YAP1: variants seen among roughly 807,000 people sequenced by gnomAD.
YAP1 encodes the protein Yes1 associated transcriptional regulator, also known as transcriptional coactivator YAP1.
In YAP1, 5 loss-of-function variants were observed where a neutral mutation model predicts 56.9. The ratio of observed to expected loss-of-function variants is 0.09; its 90% confidence interval spans 0.05 to 0.18. The LOEUF (loss-of-function observed/expected upper bound fraction) is 0.18. YAP1 is among the 10% of genes least tolerant of loss of function. The pLI, the probability that YAP1 is intolerant of heterozygous loss-of-function variation, is 1.00. For missense variants in YAP1, 539 were observed against 651.8 expected (o/e 0.83, Z 1.88); for synonymous variants, 265 against 248.1 (o/e 1.07, Z -0.64).
chr11:102,219,399 C>T (rs755980924), intron 6 of YAP1, among the ~76,000 whole-genome samples: 18 of 152,224 alleles, frequency 1.2e-4, no homozygotes, highest in Non-Finnish European at 2.4e-4. Flanking sequence ...TGTGTCTAAT[C>T]CAATCTCAAG....
At chr11:102,211,342 T>G (rs1787497251) in intron 6 of YAP1, among the ~76,000 whole-genome samples, 1 of 152,170 alleles carries the variant, frequency 6.6e-6, no homozygotes, top group Non-Finnish European at 1.5e-5. Context: ...TTAGAAAAGG[T>G]GAGGCTTATT....
At chr11:102,200,651 G>A (rs1948806065) in intron 4 of YAP1, among the ~76,000 whole-genome samples, 1 of 152,010 alleles carries the variant, frequency 6.6e-6, no homozygotes, top group Non-Finnish European at 1.5e-5. Context: ...CACCATTTTG[G>A]TCAGGCTGGT....
intron 2 of YAP1, among the ~76,000 whole-genome samples, chr11:102,121,367 G>C (rs1027730880): frequency 6.6e-6 from 1 of 151,392 alleles, no homozygotes; most frequent in African/African-American, 2.4e-5. Flanking sequence ...CTGAGCCTGG[G>C]AAGTCGAGGC....
At position 102,207,809 on chromosome 11, in the gene YAP1, C is replaced by A. The variant is rs917905005; in HGVS notation, c.985-1708C>A. Reference sequence around the variant, plus strand: ...TAGTGTGATTGGCATCAAAGGTAAACCCTGATAGAAGGAGTAAGACAGTAT... The same window carrying A: ...TAGTGTGATTGGCATCAAAGGTAAAACCTGATAGAAGGAGTAAGACAGTAT... On this transcript the variant is annotated intron_variant, in intron 5 of 8. Coordinates refer to ENST00000282441, the MANE Select transcript of YAP1 (RefSeq NM_001130145.3). 3.1e-4 allele frequency among the ~76,000 whole-genome samples: 47 copies of A among 152,092 alleles called. 1 individual carries two copies. The highest frequency in any genetic ancestry group is 1.9e-4 in the Non-Finnish European group (13 of 68,018).
intron 7 of YAP1, among the ~76,000 whole-genome samples, chr11:102,224,608 T>A (rs1950102826): frequency 6.6e-6 from 1 of 152,238 alleles, no homozygotes; most frequent in Admixed American, 6.5e-5. Context: ...GGAAACTTAG[T>A]AATTCCAAGA....
intron 2 of YAP1, among the ~76,000 whole-genome samples, chr11:102,144,305 G>C (rs910752121): frequency 6.6e-6 from 1 of 152,054 alleles, no homozygotes; most frequent in Non-Finnish European, 1.5e-5. Context: ...TGATCTTAGG[G>C]CCAAATTATT....
chr11:102,177,492 A>G (rs1947326815), intron 3 of YAP1, among the ~76,000 whole-genome samples: 1 of 152,078 alleles, frequency 6.6e-6, no homozygotes, highest in African/African-American at 2.4e-5. Context: ...CAGCCTGGCC[A>G]ACACAGTGAA....
At chr11:102,215,174 A>G (rs546223644) in intron 6 of YAP1, among the ~76,000 whole-genome samples, 1 of 152,358 alleles carries the variant, frequency 6.6e-6, no homozygotes, top group South Asian at 2.1e-4. Flanking sequence ...AACAGTTGGA[A>G]GAAATGGCAT....
At chr11:102,216,411 A>T (rs2135664633) in intron 6 of YAP1, among the ~76,000 whole-genome samples, 1 of 152,338 alleles carries the variant, frequency 6.6e-6, no homozygotes, top group African/African-American at 2.4e-5. Context: ...AATATATTTT[A>T]TATAAATTCT....
chr11:102,219,877 A>G (rs937579674), intron 6 of YAP1, among the ~76,000 whole-genome samples: 2 of 151,856 alleles, frequency 1.3e-5, no homozygotes, highest in African/African-American at 4.8e-5. Context: ...GACTACAGGC[A>G]TACGCCACCA....
At chr11:102,150,044 G>A (rs1449827889) in intron 2 of YAP1, among the ~76,000 whole-genome samples, 1 of 144,792 alleles carries the variant, frequency 6.9e-6, no homozygotes, top group African/African-American at 2.6e-5. Flanking sequence ...GAATGTAGTG[G>A]CGCTATCTCG....
chr11:102,182,742 G>A (rs1241445906), intron 3 of YAP1, among the ~76,000 whole-genome samples: 1 of 152,108 alleles, frequency 6.6e-6, no homozygotes, highest in Non-Finnish European at 1.5e-5. Flanking sequence ...TCTATTCCTT[G>A]CCTTTGGTGC....
chr11:102,150,058 C>A (rs1945545094), intron 2 of YAP1, among the ~76,000 whole-genome samples: 1 of 133,772 alleles, frequency 7.5e-6, no homozygotes, highest in Non-Finnish European at 1.5e-5. Context: ...TATCTCGGCT[C>A]CTTGCAACTT....
At chr11:102,192,112 T>C (rs1948322289) in intron 4 of YAP1, among the ~76,000 whole-genome samples, 1 of 152,250 alleles carries the variant, frequency 6.6e-6, no homozygotes, top group South Asian at 2.1e-4. Context: ...TTCATTATAG[T>C]GTAGCCCATT....
At chr11:102,149,977 C>CTTTTTTTTTTTTTTTT (rs386374692) in intron 2 of YAP1, among the ~76,000 whole-genome samples, 1 of 50,290 alleles carries the variant, frequency 2.0e-5, no homozygotes, top group Non-Finnish European at 3.6e-5. Context: ...GAGTAGTGTG[C>CTTTTTTTTTTTTTTTT]TTTTTTTTTT....
At chr11:102,126,135 G>T (rs949457791) in intron 2 of YAP1, among the ~76,000 whole-genome samples, 1 of 152,030 alleles carries the variant, frequency 6.6e-6, no homozygotes, top group Admixed American at 6.6e-5. Flanking sequence ...AAGCAGAGAG[G>T]TATGCAGTAG....
intron 4 of YAP1, chr11:102,186,835 T>TGTGTGTGTGTGTGC (rs1947988353): frequency 6.6e-6 from 1 of 152,094 alleles, no homozygotes; most frequent in East Asian, 1.9e-4. Flanking sequence ...TGTGTGTGTG[T>TGTGTGTGTGTGTGC]GTGTGTGTGT....
rs906458755 is a variant in YAP1 at position 102,231,660 on chromosome 11, T to C, written c.*1720T>C. 66 of 152,626 alleles carry C rather than the reference T, an allele frequency of 4.3e-4. No individual in the cohort carries two copies. Among genetic ancestry groups the C allele is most frequent in the Non-Finnish European group, 8.8e-4 (60 of 68,034 alleles). 9.5% of individuals were successfully genotyped at this position (152,626 alleles called of 1,614,324 possible). On this transcript the variant is annotated 3_prime_UTR_variant, in exon 9 of 9. Transcript: ENST00000282441. ...CATGAATTAACTCTTCAATATAAGC[T>C]ATGAAGTAATAGTTGGTTGTGAATT... is the stretch of plus-strand genomic sequence containing the variant.
At chr11:102,186,342 G>T in intron 4 of YAP1, 1 of 481,860 alleles carries the variant, frequency 2.1e-6, no homozygotes, top group African/African-American at 2.0e-5. Context: ...GGCTCCTCAG[G>T]TTGGGGTGGG....
Sources: gnomAD v4.1 joint callset for allele counts (sites outside exome capture counted in the v4.1 genomes callset) on GRCh38, gnomAD v4.1.1 for gene constraint, MANE v1.5 for transcripts, NCBI Gene and HGNC (gene_info 2026-07-23, HGNC 2026-07-21) for gene names.